The following C12orf42 variants were observed in gnomAD, a reference collection of about 807,000 sequenced individuals.
C12orf42 encodes the protein uncharacterized protein C12orf42.
Under a neutral mutation model 21.6 loss-of-function variants are expected in C12orf42, and 25 were observed. The ratio of observed to expected loss-of-function variants is 1.16; its 90% confidence interval spans 0.84 to 1.62. The LOEUF is 1.62. Among genes scored for constraint, C12orf42 ranks in the 40% most tolerant of loss-of-function variants. The pLI, the probability that C12orf42 is intolerant of heterozygous loss-of-function variation, is 0.00. For missense variants in C12orf42, 483 were observed against 459.3 expected, an observed-to-expected ratio of 1.05 and a Z score of -0.47; for synonymous variants, 174 against 175.0, an observed-to-expected ratio of 0.99 and a Z score of 0.05.
At chr12:103,225,403 G>A in the C12orf42 span, among the ~76,000 whole-genome samples, 10 of 152,204 alleles carry the variant, frequency 6.6e-5, no homozygotes, top group Admixed American at 4.6e-4. Context: ...TCTTTTTAAA[G>A]CGTGTTGCGG....
intron 4 of C12orf42, among the ~76,000 whole-genome samples, chr12:103,318,225 G>T (rs1593408133): frequency 6.6e-6 from 1 of 151,970 alleles, no homozygotes. Flanking sequence ...GGAGGCAGAG[G>T]TTGCAGTGAG....
chr12:103,178,801 G>C, the C12orf42 span: 1 of 152,222 alleles, frequency 6.6e-6, no homozygotes, highest in African/African-American at 2.4e-5. Flanking sequence ...TAAACTGTGA[G>C]GGATGTGAGA....
At chr12:103,292,301 G>T (rs113001588) in intron 4 of C12orf42, among the ~76,000 whole-genome samples, 1 of 151,838 alleles carries the variant, frequency 6.6e-6, no homozygotes, top group South Asian at 2.1e-4. Context: ...AAGGGTACAG[G>T]GTTTCTATTC....
chr12:103,506,833 T>C, the C12orf42 span, among the ~76,000 whole-genome samples: 2 of 69,674 alleles, frequency 2.9e-5, no homozygotes, highest in Non-Finnish European at 4.4e-5. Flanking sequence ...TATATTTATA[T>C]ATTATATATA....
chr12:103,147,204 C>G, the C12orf42 span, among the ~76,000 whole-genome samples: 2 of 152,262 alleles, frequency 1.3e-5, no homozygotes, highest in South Asian at 4.1e-4. Flanking sequence ...GAAAAAAGCA[C>G]TAATATATTT....
chr12:103,264,342 G>A (rs1304463697), downstream of C12orf42, among the ~76,000 whole-genome samples: 2 of 150,802 alleles, frequency 1.3e-5, no homozygotes, highest in Non-Finnish European at 2.9e-5. Flanking sequence ...CTGTTGAGAT[G>A]GTTAGAAGAG....
At chr12:103,190,776 G>A in the C12orf42 span, among the ~76,000 whole-genome samples, 2 of 152,064 alleles carry the variant, frequency 1.3e-5, no homozygotes, top group African/African-American at 4.8e-5. Context: ...ACACCATCGA[G>A]TAAACCAATG....
chr12:103,492,520 A>G (rs1431222792), intron 1 of C12orf42, among the ~76,000 whole-genome samples: 1 of 152,152 alleles, frequency 6.6e-6, no homozygotes, highest in Non-Finnish European at 1.5e-5. Flanking sequence ...ACTGTGTTTC[A>G]TAGACTTCTA....
chr12:103,433,554 T>C (rs1435359446), intron 2 of C12orf42, among the ~76,000 whole-genome samples: 1 of 152,178 alleles, frequency 6.6e-6, no homozygotes, highest in Non-Finnish European at 1.5e-5. Context: ...TAACTACCCA[T>C]TTGTAAAATG....
chr12:103,415,805 G>A (rs747738040), intron 2 of C12orf42, among the ~76,000 whole-genome samples: 10 of 152,242 alleles, frequency 6.6e-5, no homozygotes, highest in South Asian at 4.1e-4. Context: ...GTCACCTTAC[G>A]TGAAGAGCAA....
chr12:103,164,011 A>C, the C12orf42 span, among the ~76,000 whole-genome samples: 7,165 of 152,276 alleles, frequency 0.047, 228 homozygotes, highest in Non-Finnish European at 0.071. Context: ...AAGCCCATGC[A>C]CCTTCCACCA....
intron 2 of C12orf42, among the ~76,000 whole-genome samples, chr12:103,477,499 A>C (rs1954147754): frequency 6.6e-6 from 1 of 152,086 alleles, no homozygotes; most frequent in East Asian, 1.9e-4. Context: ...GGCAAAAGGA[A>C]CGTTGCAAAT....
At chr12:103,252,024 A>G (rs909916363) in intron 10 of C12orf42, among the ~76,000 whole-genome samples, 3 of 152,160 alleles carry the variant, frequency 2.0e-5, no homozygotes, top group Non-Finnish European at 2.9e-5. Flanking sequence ...ACGTAGGTAT[A>G]CATGTGCCAT....
upstream of C12orf42, among the ~76,000 whole-genome samples, chr12:103,499,352 C>T (rs555297905): frequency 1.3e-5 from 2 of 152,332 alleles, no homozygotes; most frequent in African/African-American, 4.8e-5. Context: ...CAAATCATTA[C>T]ATTGTACACG....
the C12orf42 span, among the ~76,000 whole-genome samples, chr12:103,108,559 A>T: frequency 6.6e-6 from 1 of 152,268 alleles, no homozygotes; most frequent in East Asian, 1.9e-4. Context: ...CAGAGAAAAT[A>T]CAACCCAGTA....
chr12:103,370,917 C>T (rs1455592988), intron 3 of C12orf42, among the ~76,000 whole-genome samples: 3 of 151,864 alleles, frequency 2.0e-5, no homozygotes, highest in Non-Finnish European at 1.5e-5. Flanking sequence ...AAATAAAAAC[C>T]ACTCATTAAA....
chr12:103,194,516 C>T, the C12orf42 span, among the ~76,000 whole-genome samples: 1 of 152,040 alleles, frequency 6.6e-6, no homozygotes, highest in Admixed American at 6.6e-5. Context: ...CCTTTCCATA[C>T]ACTAACAACA....
At chr12:103,063,918 G>A in the C12orf42 span, among the ~76,000 whole-genome samples, 8 of 152,304 alleles carry the variant, frequency 5.3e-5, no homozygotes, top group South Asian at 1.5e-3. Context: ...CCACTAAGTA[G>A]CGACTCTGCA....
chr12:103,355,338 T>C lies in C12orf42; in HGVS notation c.259+13549A>G, dbSNP rs75857428. Among the ~76,000 whole-genome samples, 1,977 of 152,214 alleles carry C rather than the reference T, an allele frequency of 0.013. 129 individuals are homozygous for C. In the East Asian group the frequency reaches 0.22, roughly 17 times the overall value. ...GTAGGTGTGTTTGCACATACATGCA[T>C]ACACTCTTGTCTGCATATACTTCTG... On this transcript the variant is annotated intron_variant, in intron 4 of 5. Coordinates refer to ENST00000548883, the MANE Select transcript of C12orf42 (RefSeq NM_198521.5).
Sources: allele counts gnomAD v4.1 joint callset (sites outside exome capture counted in the v4.1 genomes callset), GRCh38; gene constraint gnomAD v4.1.1; transcripts MANE v1.5; gene names NCBI Gene and HGNC (gene_info 2026-07-23, HGNC 2026-07-21).